The following MSH4 variants were observed in gnomAD, a reference collection of about 807,000 sequenced individuals.
MSH4 encodes mutS protein homolog 4.
A neutral mutation model predicts 113.7 loss-of-function variants in MSH4; 106 were observed. The ratio of observed to expected loss-of-function variants is 0.93; its 90% CI spans 0.80 to 1.10. MSH4 has a LOEUF of 1.10. Among genes scored for constraint, MSH4 ranks in the 50% least tolerant of loss-of-function variants. The pLI is 0.00. For missense variants in MSH4, 1,061 were observed against 1,093.7 expected (o/e 0.97, Z 0.42); for synonymous variants, 368 against 380.2 (o/e 0.97, Z 0.37).
intron 7 of MSH4, among the ~76,000 whole-genome samples, chr1:75,826,576 C>T (rs1403713466): frequency 1.3e-5 from 2 of 152,078 alleles, no homozygotes; most frequent in Non-Finnish European, 2.9e-5. Context: ...GAGATCTTTT[C>T]CACTCTCTGA....
intron 3 of MSH4, among the ~76,000 whole-genome samples, chr1:75,809,665 C>G (rs967104239): frequency 5.1e-5 from 6 of 117,322 alleles, no homozygotes; most frequent in Admixed American, 4.3e-4. Context: ...CAATGTCTCA[C>G]TTTGTTGCCC....
At chr1:75,836,064 C>T (rs1324821446) in intron 7 of MSH4, among the ~76,000 whole-genome samples, 1 of 152,146 alleles carries the variant, frequency 6.6e-6, no homozygotes, top group African/African-American at 2.4e-5. Flanking sequence ...CCTGGTAGCC[C>T]TTAAATGACT....
chr1:75,847,449 T>C (rs1651098555), intron 7 of MSH4, among the ~76,000 whole-genome samples: 1 of 152,102 alleles, frequency 6.6e-6, no homozygotes, highest in South Asian at 2.1e-4. Context: ...AAAGTAGAGA[T>C]CAAAAAGATG....
At chr1:75,870,802 A>G (rs1651697615) in intron 9 of MSH4, among the ~76,000 whole-genome samples, 1 of 152,176 alleles carries the variant, frequency 6.6e-6, no homozygotes, top group Admixed American at 6.5e-5. Flanking sequence ...ACAAATATGT[A>G]TAGTTAAAGT....
intron 19 of MSH4, among the ~76,000 whole-genome samples, chr1:75,906,561 T>TA (rs1652659364): frequency 1.4e-5 from 1 of 70,718 alleles, no homozygotes; most frequent in Admixed American, 2.6e-4. Context: ...ATATATTATA[T>TA]ATTATATAAA....
intron 1 of MSH4, among the ~76,000 whole-genome samples, chr1:75,800,877 T>C (rs1317738443): frequency 6.6e-6 from 1 of 152,230 alleles, no homozygotes; most frequent in Non-Finnish European, 1.5e-5. Flanking sequence ...ATACTTATGC[T>C]GTCCGATGTG....
chr1:75,878,247 T>C lies in MSH4; in HGVS notation c.1469T>C (p.Val490Ala). ...ATGAGGACTCAGAAGTGCTATGCAGTGAGGTCTAACATAAATGAATTTCTT... is the reference window on the plus strand; with the variant it reads ...ATGAGGACTCAGAAGTGCTATGCAGCGAGGTCTAACATAAATGAATTTCTT... ...LNMRTQKCYA[V>A]RSNINEFLDI... is the part of the protein sequence containing the mutation. Residue 490 changes from valine to alanine, a missense_variant, in exon 11 of 20, where the codon GTG (valine) becomes GCG (alanine). Transcript: ENST00000263187. 1 of 1,610,362 alleles carries C rather than the reference T, an allele frequency of 6.2e-7. No homozygotes were observed.
chr1:75,831,985 A>G (rs1042337914), intron 7 of MSH4, among the ~76,000 whole-genome samples: 26 of 152,242 alleles, frequency 1.7e-4, no homozygotes, highest in East Asian at 3.8e-4. Context: ...CAAAAAATCA[A>G]TGAATCAAGG....
chr1:75,801,367 C>A (rs1427188508), intron 1 of MSH4, among the ~76,000 whole-genome samples: 2 of 151,660 alleles, frequency 1.3e-5, no homozygotes, highest in African/African-American at 2.4e-5. Context: ...GAGTTCATGA[C>A]CAGTCTGGCC....
chr1:75,839,269 C>T (rs1314716157), intron 7 of MSH4, among the ~76,000 whole-genome samples: 2 of 151,928 alleles, frequency 1.3e-5, no homozygotes, highest in African/African-American at 4.8e-5. Context: ...GGCTGGAGTG[C>T]AGTGGCACAA....
In MSH4 at chr1:75,912,672, A is replaced by AT. The variant is rs752620026; in HGVS notation, c.2620-23dup. 2.9e-5 allele frequency: 36 copies of AT among 1,242,310 alleles called. No homozygotes were observed. In the African/African-American group the frequency reaches 4.8e-4, roughly 17 times the overall value. The allele number at this position is 1,242,310 out of a possible 1,614,324, so 77.0% of individuals were successfully genotyped here. Reference sequence around the variant, plus strand: ...TTATGGTATTTGTGTATATATATATATATTTTTTTTTTTTCAATGACAGCA... The same window carrying AT: ...TTATGGTATTTGTGTATATATATATATTATTTTTTTTTTTTCAATGACAGCA... On this transcript the variant is annotated intron_variant, in intron 19 of 19. Coordinates refer to ENST00000263187, the MANE Select transcript of MSH4 (RefSeq NM_002440.4).
intron 19 of MSH4, among the ~76,000 whole-genome samples, chr1:75,907,621 TG>T (rs1284494600): frequency 6.8e-6 from 1 of 146,958 alleles, no homozygotes; most frequent in African/African-American, 2.5e-5. Flanking sequence ...AATTCTCTCT[TG>T]AACACCAGTG....
At chr1:75,897,150 GC>G (rs1652403326) in intron 17 of MSH4, among the ~76,000 whole-genome samples, 1 of 152,002 alleles carries the variant, frequency 6.6e-6, no homozygotes, top group South Asian at 2.1e-4. Context: ...TAAATTCTGG[GC>G]TGGAAATCTT....
At chr1:75,853,496 T>C (rs1298832607) in intron 8 of MSH4, among the ~76,000 whole-genome samples, 2 of 152,192 alleles carry the variant, frequency 1.3e-5, no homozygotes, top group African/African-American at 2.4e-5. Context: ...ATGATAAGTT[T>C]GTATACTTGG....
chr1:75,890,679 A>G lies in MSH4; in HGVS notation c.2227-17A>G. 1 of 1,343,140 alleles carries G rather than the reference A, an allele frequency of 7.4e-7. No homozygotes were observed. The highest frequency in any genetic ancestry group is 2.5e-5 in the East Asian group (1 of 39,352). 83.2% of individuals were successfully genotyped at this position (1,343,140 alleles called of 1,614,324 possible). ...TGTTTGGTTACAATGAATAAATATT[A>G]AAATTATATATTTCAGATAGCATAT... On this transcript the variant is annotated splice_polypyrimidine_tract_variant and intron_variant, in intron 16 of 19. Transcript: ENST00000263187.
chr1:75,842,760 C>A lies in MSH4; in HGVS notation c.1163-5449C>A, dbSNP rs959491110. Among the ~76,000 whole-genome samples the A allele has an allele frequency of 2.0e-5, 3 of 152,124 alleles. No homozygotes were observed. In the South Asian group the frequency reaches 6.2e-4, roughly 32 times the overall value. ...CGTTGCCAGGCGGACCTTGGTCTAG[C>A]GGTAGCATAAGTGTCAAGGGAAAAC... On this transcript the variant is annotated intron_variant, in intron 7 of 19. Transcript: ENST00000263187.
chr1:75,857,736 T>A (rs542682075), intron 8 of MSH4, among the ~76,000 whole-genome samples: 1 of 151,712 alleles, frequency 6.6e-6, no homozygotes. Context: ...CTTTGTTTAA[T>A]CTTGGCTATG....
chr1:75,881,944 A>C (rs553492493), intron 14 of MSH4, among the ~76,000 whole-genome samples: 1 of 152,066 alleles, frequency 6.6e-6, no homozygotes, highest in Non-Finnish European at 1.5e-5. Flanking sequence ...TCCAGTATGC[A>C]AATTTACTGG....
chr1:75,816,652 GT>G, intron 6 of MSH4, 106 bp downstream of exon 6: 1 of 662,112 alleles, frequency 1.5e-6, no homozygotes, highest in Non-Finnish European at 2.2e-6. Flanking sequence ...TTGAGATGGA[GT>G]TTTGCTCTTG....
Sources: gnomAD v4.1 joint callset for allele counts (sites outside exome capture counted in the v4.1 genomes callset) on GRCh38, gnomAD v4.1.1 for gene constraint, MANE v1.5 for transcripts, NCBI Gene and HGNC (gene_info 2026-07-23, HGNC 2026-07-21) for gene names.